Variants in CSMD3 observed in about 807,000 individuals in gnomAD.
CSMD3 encodes CUB and sushi domain-containing protein 3.
CSMD3 carries 177 observed loss-of-function variants against 435.2 expected under a neutral mutation model. That is an observed-to-expected ratio of 0.41 (90% CI 0.36 to 0.46). The LOEUF (loss-of-function observed/expected upper bound fraction) is 0.46. Ranked by LOEUF, CSMD3 falls within the 20% of genes least tolerant of loss-of-function variation. The probability of loss-of-function intolerance (pLI) is 0.34; values close to 1 mark genes in which losing one functional copy is unlikely to be tolerated. For missense variants in CSMD3, 4,265 were observed against 4,504.6 expected (o/e 0.95, Z 1.52); for synonymous variants, 1,656 against 1,520.5 (o/e 1.09, Z -2.07).
Position 113,314,612 on chromosome 8 carries a change from T to G in CSMD3, c.360A>C (p.Ser120=), listed in dbSNP as rs750726034. ...FALEEEYDYL[S]LYDGHPHPTN... The stretch of plus-strand genomic sequence containing the variant: ...TAGGATGAGGATGTCCATCATATAA[T>G]GATAAGTAGTCGTATTCTTCTTCTA... The change falls in exon 2 of 71, where the codon TCA becomes TCC. Residue 120 remains serine, a synonymous_variant. Transcript: ENST00000297405. The G allele has an allele frequency of 4.3e-6, 7 of 1,609,772 alleles. No individual in the cohort carries two copies. The East Asian group carries it at 8.9e-5, about 21-fold the overall frequency.
chr8:112,326,868 A>C (rs1056806978), intron 45 of CSMD3, among the ~76,000 whole-genome samples: 1 of 152,092 alleles, frequency 6.6e-6, no homozygotes, highest in South Asian at 2.1e-4. Flanking sequence ...CTAAAAATAC[A>C]AAAATTAGAC....
intron 1 of CSMD3, among the ~76,000 whole-genome samples, chr8:113,344,537 A>G (rs2094139911): frequency 6.6e-6 from 1 of 151,994 alleles, no homozygotes; most frequent in Admixed American, 6.6e-5. Flanking sequence ...CAATTCTACT[A>G]TTTTCCCACA....
At chr8:112,939,923 C>A (rs950755227) in intron 9 of CSMD3, among the ~76,000 whole-genome samples, 2 of 151,942 alleles carry the variant, frequency 1.3e-5, no homozygotes, top group Non-Finnish European at 2.9e-5. Flanking sequence ...ATACTTATAG[C>A]AGTATGGTAA....
chr8:113,039,057 T>C, intron 5 of CSMD3, among the ~76,000 whole-genome samples: 1 of 152,178 alleles, frequency 6.6e-6, no homozygotes, highest in East Asian at 1.9e-4. Flanking sequence ...CTGATTTTTA[T>C]GGTATAGTGT....
intron 32 of CSMD3, 120 bp downstream of exon 32, chr8:112,472,471 T>G (rs1026141777): frequency 1.4e-6 from 1 of 721,886 alleles, no homozygotes; most frequent in Non-Finnish European, 2.5e-6. Context: ...CTAAAAAGAA[T>G]TGCATAGTAA....
chr8:113,261,234 T>G (rs2093424856), intron 3 of CSMD3, among the ~76,000 whole-genome samples: 1 of 152,168 alleles, frequency 6.6e-6, no homozygotes, highest in Non-Finnish European at 1.5e-5. Context: ...TAATCTGTTA[T>G]AGTTTATAAC....
At chr8:112,426,498 A>G (rs1023550239) in intron 32 of CSMD3, among the ~76,000 whole-genome samples, 1 of 151,992 alleles carries the variant, frequency 6.6e-6, no homozygotes, top group African/African-American at 2.4e-5. Context: ...ACAGATTGAT[A>G]CCCCCAAGAG....
At chr8:112,579,569 A>G (rs1830193522) in intron 23 of CSMD3, among the ~76,000 whole-genome samples, 1 of 152,012 alleles carries the variant, frequency 6.6e-6, no homozygotes, top group Admixed American at 6.6e-5. Flanking sequence ...ATTTAAGTTA[A>G]TTTAATTGTA....
At chr8:112,552,831 A>G in intron 25 of CSMD3, 111 bp from the exon 26 acceptor site, 1 of 943,672 alleles carries the variant, frequency 1.1e-6, no homozygotes, top group South Asian at 1.4e-5. Context: ...TGTTTCTTTA[A>G]AGTATACATT....
intron 56 of CSMD3, among the ~76,000 whole-genome samples, chr8:112,290,994 T>G (rs1018227582): frequency 2.0e-5 from 3 of 152,036 alleles, no homozygotes; most frequent in African/African-American, 7.2e-5. Flanking sequence ...TATAACAAAA[T>G]GCACTTATTA....
chr8:112,921,848 A>G (rs2130634541), intron 9 of CSMD3, 97 bp from the exon 10 acceptor site: 2 of 895,036 alleles, frequency 2.2e-6, no homozygotes, highest in Non-Finnish European at 1.8e-6. Context: ...TCAAATATGT[A>G]CTATAGTGAC....
At chr8:112,237,724 CA>C (rs1407327727) in intron 66 of CSMD3, among the ~76,000 whole-genome samples, 2 of 151,990 alleles carry the variant, frequency 1.3e-5, no homozygotes, top group East Asian at 3.9e-4. Context: ...ACCCAAGTCC[CA>C]AGAGGCCTGC....
rs56289713 is a variant in CSMD3 at position 112,791,319 on chromosome 8, G to GGAAAAAA, written c.1972+8842_1972+8843insTTTTTTC. Among the ~76,000 whole-genome samples, 4 of 103,192 alleles carry GGAAAAAA rather than the reference G, an allele frequency of 3.9e-5. 1 individual carries two copies. Among genetic ancestry groups the GGAAAAAA allele is most frequent in the African/African-American group, 7.8e-5 (2 of 25,756 alleles). The allele number at this position is 103,192 out of a possible 152,430, so 67.7% of individuals were successfully genotyped here. A position where few individuals can be genotyped will look rare whatever the true frequency, so the allele number is the denominator to read the frequency against. On this transcript the variant is annotated intron_variant, in intron 13 of 70. Transcript: ENST00000297405. ...CCTGGGTGACAGAGGCATATCCTGT[G>GGAAAAAA]AAAAAAAAAAAAAAAAAAAAAGGAA...
At chr8:113,232,866 A>G (rs142219225) in intron 3 of CSMD3, among the ~76,000 whole-genome samples, 342 of 151,850 alleles carry the variant, frequency 2.3e-3, no homozygotes, top group African/African-American at 7.9e-3. Context: ...CCTCCCACAA[A>G]TGTGTTTTCA....
chr8:112,256,517 C>T (rs7841225), intron 61 of CSMD3, among the ~76,000 whole-genome samples: 8,751 of 152,186 alleles, frequency 0.058, 355 homozygotes, highest in East Asian at 0.14. Flanking sequence ...TGGGGCATGG[C>T]TAGCTTTCTA....
chr8:112,345,238 G>C (rs1444841088), intron 41 of CSMD3, among the ~76,000 whole-genome samples: 2 of 152,112 alleles, frequency 1.3e-5, no homozygotes, highest in African/African-American at 2.4e-5. Flanking sequence ...CTACCACTGG[G>C]TATATGTGCA....
chr8:112,372,415 G>A (rs1828486644), intron 38 of CSMD3, among the ~76,000 whole-genome samples: 2 of 152,148 alleles, frequency 1.3e-5, no homozygotes, highest in Admixed American at 6.5e-5. Flanking sequence ...AGACCAAGGT[G>A]TAGAAAGGGT....
intron 10 of CSMD3, among the ~76,000 whole-genome samples, chr8:112,906,596 G>C (rs922285478): frequency 1.3e-5 from 2 of 151,438 alleles, no homozygotes; most frequent in Non-Finnish European, 3.0e-5. Flanking sequence ...AATAAGGTAG[G>C]AAAATTACAC....
chr8:113,080,266 A>ATCTC lies in CSMD3; in HGVS notation c.917+18486_917+18489dup, dbSNP rs2089506695. Among the ~76,000 whole-genome samples, 6 of 152,192 alleles carry ATCTC rather than the reference A, an allele frequency of 3.9e-5. No individual in the cohort carries two copies. The South Asian group carries it at 1.2e-3, about 31-fold the overall frequency. On this transcript the variant is annotated intron_variant, in intron 5 of 70. Coordinates refer to ENST00000297405, the MANE Select transcript of CSMD3 (RefSeq NM_198123.2). The stretch of plus-strand genomic sequence containing the variant: ...CAGGTAAGTAATTAAATTATTTTAC[A>ATCTC]TCTCTCTTTCTTAATTGAGTAATGT...
Sources: gnomAD v4.1 joint callset for allele counts (sites outside exome capture counted in the v4.1 genomes callset) on GRCh38, gnomAD v4.1.1 for gene constraint, MANE v1.5 for transcripts, NCBI Gene and HGNC (gene_info 2026-07-23, HGNC 2026-07-21) for gene names.